TNFAIP8: variants seen among roughly 807,000 people sequenced by gnomAD.
TNFAIP8 encodes the protein tumor necrosis factor alpha-induced protein 8.
In TNFAIP8, 7 loss-of-function variants were observed where a neutral mutation model predicts 13.3. The ratio of observed to expected loss-of-function variants is 0.52; its 90% confidence interval spans 0.30 to 0.99. The LOEUF is 0.99. Ranked by LOEUF, TNFAIP8 falls within the 50% of genes least tolerant of loss-of-function variation. The pLI is 0.07. For synonymous variants in TNFAIP8, 94 were observed against 87.6 expected (o/e 1.07, Z -0.41); for missense variants, 258 against 236.9 (o/e 1.09, Z -0.58).
intron 1 of TNFAIP8, among the ~76,000 whole-genome samples, chr5:119,339,192 T>G (rs928239027): frequency 1.3e-4 from 20 of 152,210 alleles, no homozygotes; most frequent in African/African-American, 4.8e-4. Context: ...AGAACTGGCT[T>G]CTTGTAGTTG....
chr5:119,329,109 G>A (rs1462475225), intron 1 of TNFAIP8, among the ~76,000 whole-genome samples: 1 of 152,270 alleles, frequency 6.6e-6, no homozygotes. Flanking sequence ...GCTGCTCACA[G>A]CTAGTGGTGG....
intron 1 of TNFAIP8, among the ~76,000 whole-genome samples, chr5:119,364,916 A>G (rs1253150720): frequency 8.0e-6 from 1 of 125,252 alleles, no homozygotes; most frequent in Non-Finnish European, 1.5e-5. Context: ...CAGTGGCGCC[A>G]TCTTGGCTCA....
chr5:119,359,070 T>C (rs1489231541), intron 1 of TNFAIP8, among the ~76,000 whole-genome samples: 2 of 152,212 alleles, frequency 1.3e-5, no homozygotes, highest in Non-Finnish European at 2.9e-5. Flanking sequence ...GTTCCCAGAC[T>C]GACAGACTCA....
intron 1 of TNFAIP8, among the ~76,000 whole-genome samples, chr5:119,300,264 A>T (rs1207815216): frequency 2.6e-5 from 4 of 152,182 alleles, no homozygotes; most frequent in African/African-American, 7.2e-5. Context: ...TGCCACCCCC[A>T]GTACCTTCTT....
In TNFAIP8 at chr5:119,391,174, G is replaced by C. The variant is rs145147743; in HGVS notation, c.32-1642G>C. On this transcript the variant is annotated intron_variant, in intron 1 of 1. Coordinates refer to ENST00000504771, the MANE Select transcript of TNFAIP8 (RefSeq NM_014350.4). The stretch of plus-strand genomic sequence containing the variant: ...ATCCAACATGGCAGTTCTGGATTAA[G>C]GGAGTCACTCTTCCTATATGTCTTC... Among the ~76,000 whole-genome samples the C allele has an allele frequency of 6.7e-4, 102 of 152,142 alleles. 1 individual carries two copies. The highest frequency in any genetic ancestry group is 2.4e-3 in the African/African-American group (100 of 41,512).
chr5:119,343,528 A>G (rs531862766), intron 1 of TNFAIP8, among the ~76,000 whole-genome samples: 50 of 152,346 alleles, frequency 3.3e-4, no homozygotes, highest in Non-Finnish European at 2.8e-4. Context: ...CTTATATGCT[A>G]TCATAATTCA....
At chr5:119,353,911 A>G (rs372136273), upstream of TNFAIP8, among the ~76,000 whole-genome samples, 9 of 152,242 alleles carry the variant, frequency 5.9e-5, no homozygotes, top group Middle Eastern at 3.2e-3. Flanking sequence ...TACCCCAATT[A>G]TAGATCAGTG....
At chr5:119,324,422 G>T (rs531400187) in intron 1 of TNFAIP8, among the ~76,000 whole-genome samples, 2 of 150,904 alleles carry the variant, frequency 1.3e-5, no homozygotes, top group East Asian at 3.9e-4. Flanking sequence ...TAACTTCTTC[G>T]TGCATGGATC....
At chr5:119,313,209 G>GA (rs1355956508) in intron 1 of TNFAIP8, among the ~76,000 whole-genome samples, 1 of 152,208 alleles carries the variant, frequency 6.6e-6, no homozygotes, top group Admixed American at 6.5e-5. Context: ...TCAAAGCCAA[G>GA]AATCTATATT....
chr5:119,357,333 C>T (rs1047517210), intron 1 of TNFAIP8, among the ~76,000 whole-genome samples: 24 of 152,116 alleles, frequency 1.6e-4, no homozygotes, highest in Non-Finnish European at 3.5e-4. Flanking sequence ...CTTGCCGTGT[C>T]CTGTGTTCTG....
intron 1 of TNFAIP8, among the ~76,000 whole-genome samples, chr5:119,370,787 G>C (rs1050431879): frequency 6.6e-6 from 1 of 152,172 alleles, no homozygotes; most frequent in African/African-American, 2.4e-5. Context: ...CAGTAAGTCA[G>C]CTCAAGAAAA....
intron 1 of TNFAIP8, among the ~76,000 whole-genome samples, chr5:119,374,286 A>G (rs1752197120): frequency 6.6e-6 from 1 of 152,142 alleles, no homozygotes; most frequent in East Asian, 1.9e-4. Context: ...TCCAATGAGC[A>G]TTTTGTTTTA....
At chr5:119,351,023 T>TA (rs1323876597), upstream of TNFAIP8, among the ~76,000 whole-genome samples, 21 of 147,642 alleles carry the variant, frequency 1.4e-4, no homozygotes, top group African/African-American at 5.6e-4. Flanking sequence ...TGTGTGTGTG[T>TA]GTGTGTGTGT....
intron 1 of TNFAIP8, among the ~76,000 whole-genome samples, chr5:119,343,472 A>C (rs1581622517): frequency 6.6e-6 from 1 of 152,132 alleles, no homozygotes; most frequent in East Asian, 1.9e-4. Context: ...TTATGTACAT[A>C]GTTTCTTGTA....
intron 1 of TNFAIP8, among the ~76,000 whole-genome samples, chr5:119,345,868 ATAT>A (rs751253479): frequency 6.6e-5 from 10 of 152,220 alleles, no homozygotes; most frequent in Non-Finnish European, 1.5e-4. Flanking sequence ...ATTTTATACT[ATAT>A]GTATTTTGCC....
At chr5:119,274,920 C>T (rs1269957047) in intron 1 of TNFAIP8, among the ~76,000 whole-genome samples, 1 of 152,076 alleles carries the variant, frequency 6.6e-6, no homozygotes, top group Non-Finnish European at 1.5e-5. Flanking sequence ...AATTGAGAAC[C>T]CCTAGCCTGG....
At chr5:119,308,404 T>G (rs576900135) in intron 1 of TNFAIP8, among the ~76,000 whole-genome samples, 1 of 151,534 alleles carries the variant, frequency 6.6e-6, no homozygotes, top group Non-Finnish European at 1.5e-5. Flanking sequence ...TTTTTTTTTT[T>G]TTTTTTTGGT....
Position 119,396,492 on chromosome 5 carries a change from C to G in TNFAIP8, c.*3111C>G, listed in dbSNP as rs7703744. 0.32 allele frequency: 48,509 copies of G among 151,914 alleles called. 8,174 individuals are homozygous for G. The highest frequency in any genetic ancestry group is 0.43 in the African/African-American group (17,892 of 41,386). The allele number at this position is 151,914 out of a possible 1,614,324, so 9.4% of individuals were successfully genotyped here. A position where few individuals can be genotyped will look rare whatever the true frequency, so the allele number is the denominator to read the frequency against. On this transcript the variant is annotated 3_prime_UTR_variant, in exon 2 of 2. Coordinates refer to ENST00000504771, the MANE Select transcript of TNFAIP8 (RefSeq NM_014350.4). The stretch of plus-strand genomic sequence containing the variant: ...GTCCCTAGCAGTGGTGGGTTCAGAG[C>G]ATGACAAGGCACTCAATGTGCATTC...
intron 1 of TNFAIP8, among the ~76,000 whole-genome samples, chr5:119,271,537 G>T (rs1256777980): frequency 6.6e-6 from 1 of 152,190 alleles, no homozygotes; most frequent in Non-Finnish European, 1.5e-5. Context: ...GGCTGAAAAT[G>T]GGATAACCTC....
Sources: gnomAD v4.1 joint callset for allele counts (sites outside exome capture counted in the v4.1 genomes callset) on GRCh38, gnomAD v4.1.1 for gene constraint, MANE v1.5 for transcripts, NCBI Gene and HGNC (gene_info 2026-07-23, HGNC 2026-07-21) for gene names.